KLF12: variants seen among roughly 807,000 people sequenced by gnomAD.
KLF12 encodes KLF transcription factor 12.
In KLF12, 9 loss-of-function variants were observed where a neutral mutation model predicts 37.8. That is an observed-to-expected ratio of 0.24 (90% CI 0.14 to 0.42). The LOEUF (loss-of-function observed/expected upper bound fraction) is 0.42, where lower values mean the gene tolerates loss of function less well. Ranked by LOEUF, KLF12 falls within the 10% of genes least tolerant of loss-of-function variation. The pLI, the probability that KLF12 is intolerant of heterozygous loss-of-function variation, is 1.00. For missense variants in KLF12, 411 were observed against 516.0 expected (o/e 0.80, Z 1.97); for synonymous variants, 208 against 202.1 (o/e 1.03, Z -0.25).
chr13:73,693,874 A>T lies in KLF12; in HGVS notation c.*1616T>A, dbSNP rs903297742. The T allele has an allele frequency of 2.0e-5, 3 of 152,608 alleles. No homozygotes were observed. In the East Asian group the frequency reaches 5.8e-4, roughly 29 times the overall value. 9.5% of individuals were successfully genotyped at this position (152,608 alleles called of 1,614,324 possible). ...GAAAAAAACCCAGCTTGTGGTGGGG[A>T]CAAAAATATGGTAATTTTTCTGAAA... On this transcript the variant is annotated 3_prime_UTR_variant, in exon 8 of 8. Coordinates refer to ENST00000377669, the MANE Select transcript of KLF12 (RefSeq NM_007249.5).
chr13:74,046,471 T>A lies in KLF12; in HGVS notation c.-31-51418A>T, dbSNP rs1893546290. ...TATTATAGGCTTTCATTTTTTTCAC[T>A]TTTTTGAAAAAGGAAAGCATTCCAT... On this transcript the variant is annotated intron_variant, in intron 1 of 7. Coordinates refer to ENST00000377669, the MANE Select transcript of KLF12 (RefSeq NM_007249.5). 4.6e-5 allele frequency among the ~76,000 whole-genome samples: 7 copies of A among 151,980 alleles called. No homozygotes were observed. The South Asian group carries it at 1.5e-3, about 31-fold the overall frequency.
chr13:73,899,561 T>C (rs1421159984), intron 3 of KLF12, among the ~76,000 whole-genome samples: 2 of 152,172 alleles, frequency 1.3e-5, no homozygotes, highest in Non-Finnish European at 2.9e-5. Context: ...TTTCTGGGTA[T>C]AGCTATAGGG....
intron 6 of KLF12, among the ~76,000 whole-genome samples, chr13:73,724,225 T>C (rs996265042): frequency 6.6e-6 from 1 of 152,122 alleles, no homozygotes; most frequent in African/African-American, 2.4e-5. Context: ...AAAAATGAGT[T>C]AATGTCCTTT....
chr13:74,074,719 A>G (rs997409223), intron 1 of KLF12, among the ~76,000 whole-genome samples: 1 of 152,124 alleles, frequency 6.6e-6, no homozygotes, highest in African/African-American at 2.4e-5. Flanking sequence ...TGTACAGATT[A>G]TGTACAGATT....
intron 4 of KLF12, among the ~76,000 whole-genome samples, chr13:73,835,280 C>G (rs1884372398): frequency 6.6e-6 from 1 of 152,050 alleles, no homozygotes; most frequent in Non-Finnish European, 1.5e-5. Context: ...GAAAAAATAA[C>G]TAGATTACCT....
At chr13:73,951,127 C>G (rs1368134180) in intron 2 of KLF12, among the ~76,000 whole-genome samples, 3 of 152,220 alleles carry the variant, frequency 2.0e-5, no homozygotes, top group Admixed American at 2.0e-4. Context: ...CCTAATTTTA[C>G]AAATTATGAT....
At chr13:73,934,201 A>G (rs1167070561) in intron 3 of KLF12, among the ~76,000 whole-genome samples, 3 of 152,012 alleles carry the variant, frequency 2.0e-5, no homozygotes, top group African/African-American at 7.3e-5. Context: ...TGACAACTGT[A>G]TCTGGTTGTT....
chr13:73,977,511 C>G (rs1891564924), intron 2 of KLF12, among the ~76,000 whole-genome samples: 1 of 152,134 alleles, frequency 6.6e-6, no homozygotes, highest in Non-Finnish European at 1.5e-5. Flanking sequence ...TAACATAGAA[C>G]TCTCAGAAAA....
intron 3 of KLF12, among the ~76,000 whole-genome samples, chr13:73,854,169 T>C (rs1885482510): frequency 1.3e-5 from 2 of 152,220 alleles, no homozygotes; most frequent in Non-Finnish European, 2.9e-5. Context: ...TGACTTAAAA[T>C]ATTAATTAAA....
intron 1 of KLF12, among the ~76,000 whole-genome samples, chr13:74,060,498 G>GTGTGTGTGTGCGTC (rs1873526315): frequency 2.1e-5 from 3 of 145,828 alleles, no homozygotes; most frequent in African/African-American, 7.9e-5. Flanking sequence ...GTGTGTGTGT[G>GTGTGTGTGTGCGTC]TGTGTGTGTG....
chr13:73,761,679 T>C lies in KLF12; in HGVS notation c.869+3259A>G, dbSNP rs181117085. On this transcript the variant is annotated intron_variant, in intron 6 of 7. Coordinates refer to ENST00000377669, the MANE Select transcript of KLF12 (RefSeq NM_007249.5). ...TGGGTTACTCATGCCCATGTGTGTA[T>C]GTAAATACACATGTTAATAAACTTC... Among the ~76,000 whole-genome samples the C allele has an allele frequency of 4.6e-5, 7 of 152,300 alleles. No homozygotes were observed. In the East Asian group the frequency reaches 9.6e-4, roughly 21 times the overall value.
At chr13:73,712,929 A>C (rs75080480) in intron 7 of KLF12, among the ~76,000 whole-genome samples, 8,471 of 152,260 alleles carry the variant, frequency 0.056, 321 homozygotes, top group African/African-American at 0.11. Context: ...GAAACAAAAA[A>C]ATTGTGTGAC....
intron 6 of KLF12, among the ~76,000 whole-genome samples, chr13:73,731,536 CAA>C (rs66701744): frequency 9.7e-6 from 1 of 103,526 alleles, no homozygotes; most frequent in African/African-American, 3.7e-5. Flanking sequence ...GGAAATTAGA[CAA>C]AAAAAAAAAA....
the KLF12 span, among the ~76,000 whole-genome samples, chr13:74,271,004 G>T: frequency 6.6e-6 from 1 of 152,184 alleles, no homozygotes; most frequent in East Asian, 1.9e-4. Flanking sequence ...ACAGAAGGAG[G>T]TGAGCGGTGG....
the KLF12 span, among the ~76,000 whole-genome samples, chr13:74,196,677 C>G: frequency 1.3e-5 from 2 of 152,106 alleles, no homozygotes; most frequent in Non-Finnish European, 2.9e-5. Flanking sequence ...CCCCTTTAAC[C>G]AGCCCAGTGG....
the KLF12 span, among the ~76,000 whole-genome samples, chr13:74,175,173 T>C: frequency 6.6e-6 from 1 of 152,206 alleles, no homozygotes; most frequent in Non-Finnish European, 1.5e-5. Context: ...CAATATAAAT[T>C]CTGCAAAGTT....
At position 73,981,688 on chromosome 13, in the gene KLF12, T is replaced by G. The variant is rs377266879; in HGVS notation, c.33+13302A>C. On this transcript the variant is annotated intron_variant, in intron 2 of 7. Transcript: ENST00000377669. Reference sequence around the variant, plus strand: ...GAATGTGTCCCTCCAAAATTCGTGTTGAATCCTAATCTCCACTGCAGTGGT... The same window carrying G: ...GAATGTGTCCCTCCAAAATTCGTGTGGAATCCTAATCTCCACTGCAGTGGT... Among the ~76,000 whole-genome samples the G allele has an allele frequency of 4.6e-5, 7 of 152,310 alleles. No homozygotes were observed. The South Asian group carries it at 1.5e-3, about 32-fold the overall frequency.
At chr13:74,119,732 C>T (rs1033006223) in intron 1 of KLF12, among the ~76,000 whole-genome samples, 2 of 151,920 alleles carry the variant, frequency 1.3e-5, no homozygotes, top group African/African-American at 4.8e-5. Flanking sequence ...GTCTAATGCG[C>T]TTGTCAACAT....
At chr13:74,272,021 G>A in the KLF12 span, among the ~76,000 whole-genome samples, 1 of 152,172 alleles carries the variant, frequency 6.6e-6, no homozygotes. Flanking sequence ...ACCAGCCCTA[G>A]CTGCAAGGGA....
Sources: gnomAD v4.1 joint callset for allele counts (sites outside exome capture counted in the v4.1 genomes callset) on GRCh38, gnomAD v4.1.1 for gene constraint, MANE v1.5 for transcripts, NCBI Gene and HGNC (gene_info 2026-07-23, HGNC 2026-07-21) for gene names.